Variants in SORCS1 observed in about 807,000 individuals in gnomAD.
SORCS1 encodes the protein sortilin related VPS10 domain containing receptor 1, also known as VPS10 domain-containing receptor SorCS1.
Under a neutral mutation model 146.1 loss-of-function variants are expected in SORCS1, and 60 were observed. The observed-to-expected ratio is 0.41, with a 90% CI of 0.33 to 0.51. SORCS1 has a LOEUF of 0.51. Ranked by LOEUF, SORCS1 falls within the 20% of genes least tolerant of loss-of-function variation. The pLI, the probability that SORCS1 is intolerant of heterozygous loss-of-function variation, is 0.21. For missense variants in SORCS1, 1,352 were observed against 1,487.6 expected (o/e 0.91, Z 1.50); for synonymous variants, 637 against 584.0 (o/e 1.09, Z -1.31).
intron 1 of SORCS1, among the ~76,000 whole-genome samples, chr10:107,116,365 G>GCAAT (rs1347043243): frequency 1.3e-5 from 2 of 152,010 alleles, no homozygotes; most frequent in African/African-American, 4.8e-5. Context: ...ATTAATCAAA[G>GCAAT]TGTCCATTGC....
intron 18 of SORCS1, among the ~76,000 whole-genome samples, chr10:106,648,594 G>C (rs1278743347): frequency 6.6e-6 from 1 of 151,920 alleles, no homozygotes; most frequent in Admixed American, 6.6e-5. Context: ...TCTCTGTCTG[G>C]GTCATTTTCT....
At chr10:107,173,388 AC>A in the SORCS1 span, among the ~76,000 whole-genome samples, 1 of 152,182 alleles carries the variant, frequency 6.6e-6, no homozygotes, top group South Asian at 2.1e-4. Flanking sequence ...CTCTTACCAC[AC>A]CAAAAAAAGT....
chr10:106,956,713 C>A (rs1237779103), intron 1 of SORCS1, 133 bp from the exon 2 acceptor site: 1 of 775,900 alleles, frequency 1.3e-6, no homozygotes. Flanking sequence ...ACAGCATTTG[C>A]CACACTGACT....
chr10:107,082,442 C>T (rs143981816), intron 1 of SORCS1, among the ~76,000 whole-genome samples: 68 of 151,982 alleles, frequency 4.5e-4, no homozygotes, highest in African/African-American at 1.3e-3. Context: ...TTTACTACTC[C>T]GAAGAAGTGG....
chr10:106,930,597 C>G (rs985632380), intron 2 of SORCS1, among the ~76,000 whole-genome samples: 1 of 152,188 alleles, frequency 6.6e-6, no homozygotes, highest in Non-Finnish European at 1.5e-5. Context: ...AGCCAGCTCA[C>G]AGGCACAACA....
chr10:107,159,766 A>C (rs1969564167), intron 1 of SORCS1, among the ~76,000 whole-genome samples: 1 of 152,168 alleles, frequency 6.6e-6, no homozygotes, highest in Non-Finnish European at 1.5e-5. Context: ...GTACTGAGAG[A>C]AGGAATTACG....
chr10:107,067,305 T>A (rs1961966417), intron 1 of SORCS1, among the ~76,000 whole-genome samples: 1 of 152,112 alleles, frequency 6.6e-6, no homozygotes, highest in Non-Finnish European at 1.5e-5. Context: ...ACTTTTTTTT[T>A]TTTTTTTCCA....
chr10:106,873,949 C>G (rs1013131460), intron 2 of SORCS1, among the ~76,000 whole-genome samples: 4 of 152,312 alleles, frequency 2.6e-5, no homozygotes, highest in Non-Finnish European at 5.9e-5. Flanking sequence ...TGCTGAGTGA[C>G]CTTGGGCAAG....
At chr10:106,800,977 T>C (rs2136641049) in intron 3 of SORCS1, among the ~76,000 whole-genome samples, 1 of 152,338 alleles carries the variant, frequency 6.6e-6, no homozygotes, top group East Asian at 1.9e-4. Context: ...TGTCGTTATT[T>C]CCTTATTTGT....
At chr10:106,975,002 GAC>G (rs1564876153) in intron 1 of SORCS1, among the ~76,000 whole-genome samples, 2 of 152,170 alleles carry the variant, frequency 1.3e-5, no homozygotes, top group African/African-American at 4.8e-5. Flanking sequence ...GGCAACTCCT[GAC>G]AGTTAGTGCA....
At chr10:106,990,907 AAATG>A (rs1956742188) in intron 1 of SORCS1, among the ~76,000 whole-genome samples, 3 of 69,970 alleles carry the variant, frequency 4.3e-5, no homozygotes. Flanking sequence ...CTCTTTTGCA[AAATG>A]AATGATTTTA....
At chr10:106,735,779 G>C (rs1856904155) in intron 5 of SORCS1, among the ~76,000 whole-genome samples, 1 of 152,158 alleles carries the variant, frequency 6.6e-6, no homozygotes, top group Admixed American at 6.6e-5. Context: ...GATCCTAAAA[G>C]CCATGAGATG....
intron 6 of SORCS1, among the ~76,000 whole-genome samples, chr10:106,719,535 C>G (rs1231825312): frequency 6.6e-6 from 1 of 152,022 alleles, no homozygotes; most frequent in Admixed American, 6.6e-5. Flanking sequence ...GCCTCAGCCT[C>G]CCAAGTAGCT....
chr10:107,144,089 C>T (rs1489655299), intron 1 of SORCS1, among the ~76,000 whole-genome samples: 3 of 152,108 alleles, frequency 2.0e-5, no homozygotes, highest in African/African-American at 7.2e-5. Flanking sequence ...TTATCCTTCC[C>T]CTTAGAGCTT....
At chr10:106,823,109 C>T (rs1429211711) in intron 3 of SORCS1, among the ~76,000 whole-genome samples, 2 of 152,024 alleles carry the variant, frequency 1.3e-5, no homozygotes, top group African/African-American at 2.4e-5. Context: ...AAACATACAT[C>T]CTTGTTAAAA....
intron 1 of SORCS1, among the ~76,000 whole-genome samples, chr10:107,010,990 T>C (rs1957674017): frequency 6.6e-6 from 1 of 152,160 alleles, no homozygotes; most frequent in African/African-American, 2.4e-5. Flanking sequence ...AGCCTTGTGA[T>C]TCTTCAACAT....
intron 1 of SORCS1, among the ~76,000 whole-genome samples, chr10:107,001,443 A>C (rs1441928655): frequency 6.6e-6 from 1 of 152,128 alleles, no homozygotes; most frequent in Non-Finnish European, 1.5e-5. Flanking sequence ...GCTTTTTAGT[A>C]ATCTACTTAT....
chr10:106,754,346 A>C (rs1858479576), intron 5 of SORCS1, among the ~76,000 whole-genome samples: 1 of 152,210 alleles, frequency 6.6e-6, no homozygotes, highest in Non-Finnish European at 1.5e-5. Flanking sequence ...AATGATGGGG[A>C]GAGATCAAGC....
intron 1 of SORCS1, among the ~76,000 whole-genome samples, chr10:106,987,103 C>T (rs1342596161): frequency 6.6e-6 from 1 of 152,114 alleles, no homozygotes; most frequent in Non-Finnish European, 1.5e-5. Flanking sequence ...TTTTTCACTC[C>T]TAATAGGCTT....
Sources: gnomAD v4.1 joint callset for allele counts (sites outside exome capture counted in the v4.1 genomes callset) on GRCh38, gnomAD v4.1.1 for gene constraint, MANE v1.5 for transcripts, NCBI Gene and HGNC (gene_info 2026-07-23, HGNC 2026-07-21) for gene names.